The following SENP7 variants were observed in gnomAD, a reference collection of about 807,000 sequenced individuals.
SENP7 encodes the protein sentrin-specific protease 7.
In SENP7, 64 loss-of-function variants were observed where a neutral mutation model predicts 141.2. That is an observed-to-expected ratio of 0.45 (90% CI 0.37 to 0.56). SENP7 has a LOEUF of 0.56. Ranked by LOEUF, SENP7 falls within the 20% of genes least tolerant of loss-of-function variation. The probability of loss-of-function intolerance (pLI) is 0.00; values close to 1 mark genes in which losing one functional copy is unlikely to be tolerated. For missense variants in SENP7, 1,025 were observed against 1,212.2 expected (o/e 0.85, Z 2.29); for synonymous variants, 382 against 426.4 (o/e 0.90, Z 1.28).
At chr3:101,501,183 CA>C in intron 1 of SENP7, 64 bp from the exon 2 acceptor site, 6 of 1,068,346 alleles carry the variant, frequency 5.6e-6, no homozygotes, top group Non-Finnish European at 8.4e-6. Context: ...AACAGTTTGA[CA>C]AAGGAGATTC....
chr3:101,438,204 T>C (rs2062464516), intron 4 of SENP7, among the ~76,000 whole-genome samples: 3 of 152,080 alleles, frequency 2.0e-5, no homozygotes, highest in Non-Finnish European at 4.4e-5. Flanking sequence ...GATGAATAAA[T>C]ATAGAAACAA....
chr3:101,399,085 G>T (rs747579881), intron 5 of SENP7, 30 bp from the exon 6 acceptor site: 3 of 1,370,514 alleles, frequency 2.2e-6, no homozygotes, highest in Non-Finnish European at 2.9e-6. Flanking sequence ...ACACTGTACT[G>T]TACTGAAGTT....
intron 6 of SENP7, among the ~76,000 whole-genome samples, chr3:101,386,132 G>A (rs1402556951): frequency 6.6e-6 from 1 of 152,142 alleles, no homozygotes; most frequent in Non-Finnish European, 1.5e-5. Context: ...ACAGCTGTTA[G>A]ATAACCACCT....
At chr3:101,362,013 G>T (rs746646020) in intron 10 of SENP7, 152 bp from the exon 11 acceptor site, 1 of 864,148 alleles carries the variant, frequency 1.2e-6, no homozygotes, top group Non-Finnish European at 1.6e-6. Context: ...TAGCTATCTA[G>T]ATTTTTTTTC....
At chr3:101,372,940 A>G (rs2060221237) in intron 6 of SENP7, among the ~76,000 whole-genome samples, 1 of 152,018 alleles carries the variant, frequency 6.6e-6, no homozygotes, top group Non-Finnish European at 1.5e-5. Context: ...TACATATTTG[A>G]AGTATTTCAT....
intron 6 of SENP7, among the ~76,000 whole-genome samples, chr3:101,379,472 A>G (rs1216241653): frequency 6.6e-6 from 1 of 152,162 alleles, no homozygotes; most frequent in Non-Finnish European, 1.5e-5. Context: ...CAGAATATAT[A>G]AAGAAATCCT....
intron 11 of SENP7, among the ~76,000 whole-genome samples, chr3:101,355,113 T>TA (rs1326045567): frequency 3.9e-5 from 6 of 152,334 alleles, no homozygotes; most frequent in African/African-American, 1.4e-4. Flanking sequence ...TGCTAGATAT[T>TA]AGACCTTTGT....
chr3:101,444,681 G>T (rs984758260), intron 4 of SENP7, among the ~76,000 whole-genome samples: 1 of 144,092 alleles, frequency 6.9e-6, no homozygotes, highest in Non-Finnish European at 1.5e-5. Flanking sequence ...TCATAGGTGG[G>T]AATTGAACAA....
At chr3:101,510,208 C>A (rs754281602) in intron 1 of SENP7, among the ~76,000 whole-genome samples, 1 of 152,196 alleles carries the variant, frequency 6.6e-6, no homozygotes, top group Non-Finnish European at 1.5e-5. Context: ...TTCAGTGAAC[C>A]TGTCTCTGAT....
intron 3 of SENP7, among the ~76,000 whole-genome samples, chr3:101,471,753 T>A (rs1242789347): frequency 6.6e-6 from 1 of 152,150 alleles, no homozygotes; most frequent in East Asian, 1.9e-4. Context: ...AATCTACCCA[T>A]CTGACACAGG....
At chr3:101,415,108 A>C (rs1414584175) in intron 5 of SENP7, among the ~76,000 whole-genome samples, 1 of 88,064 alleles carries the variant, frequency 1.1e-5, no homozygotes, top group Non-Finnish European at 2.8e-5. Context: ...CTAACTTAGA[A>C]GGGAAAAAAA....
chr3:101,446,411 A>G (rs1214237588), intron 4 of SENP7, among the ~76,000 whole-genome samples: 1 of 152,252 alleles, frequency 6.6e-6, no homozygotes, highest in Non-Finnish European at 1.5e-5. Context: ...CTATAGACCT[A>G]ATAGACCTAA....
chr3:101,459,815 G>T (rs2063491594), intron 3 of SENP7, among the ~76,000 whole-genome samples: 1 of 152,058 alleles, frequency 6.6e-6, no homozygotes, highest in Non-Finnish European at 1.5e-5. Context: ...AAATGTTAAG[G>T]TTGCTCGACT....
At chr3:101,406,109 A>G (rs2061294049) in intron 5 of SENP7, among the ~76,000 whole-genome samples, 1 of 152,244 alleles carries the variant, frequency 6.6e-6, no homozygotes, top group African/African-American at 2.4e-5. Flanking sequence ...ATTATAAATC[A>G]TGCTACTATA....
chr3:101,471,673 G>T (rs77719452), intron 3 of SENP7, among the ~76,000 whole-genome samples: 60,386 of 151,960 alleles, frequency 0.4, 12,509 homozygotes, highest in Admixed American at 0.54. Flanking sequence ...AAACTAAAGA[G>T]CCTCTGCATG....
intron 6 of SENP7, among the ~76,000 whole-genome samples, chr3:101,387,703 C>G (rs2060698583): frequency 6.6e-6 from 1 of 152,196 alleles, no homozygotes; most frequent in African/African-American, 2.4e-5. Flanking sequence ...GTACTTCCTG[C>G]CAGCCACCGC....
At chr3:101,504,201 A>G (rs2065498535) in intron 1 of SENP7, among the ~76,000 whole-genome samples, 1 of 151,992 alleles carries the variant, frequency 6.6e-6, no homozygotes, top group Non-Finnish European at 1.5e-5. Flanking sequence ...CTGTAATCCC[A>G]GCACTAATGG....
In SENP7 at chr3:101,325,781, C is replaced by T. The variant is rs2058884750; in HGVS notation, c.*162G>A. ...TCCCATTCCATCTATGAGATCCCAA[C>T]AATTCTAATAATGTGTCCTACATAT... On this transcript the variant is annotated 3_prime_UTR_variant, in exon 24 of 24. Transcript: ENST00000394095. 2.0e-6 allele frequency: 1 copy of T among 496,030 alleles called. No homozygotes were observed. Among genetic ancestry groups the T allele is most frequent in the African/African-American group, 2.0e-5 (1 of 49,998 alleles). The allele number at this position is 496,030 out of a possible 1,614,324, so 30.7% of individuals were successfully genotyped here. A position where few individuals can be genotyped will look rare whatever the true frequency, so the allele number is the denominator to read the frequency against.
chr3:101,436,576 GA>G (rs1035444740), intron 4 of SENP7, among the ~76,000 whole-genome samples: 7 of 151,754 alleles, frequency 4.6e-5, no homozygotes, highest in African/African-American at 1.7e-4. Flanking sequence ...AACCCTACAG[GA>G]AACAATCTAA....
Sources: allele counts gnomAD v4.1 joint callset (sites outside exome capture counted in the v4.1 genomes callset), GRCh38; gene constraint gnomAD v4.1.1; transcripts MANE v1.5; gene names NCBI Gene and HGNC (gene_info 2026-07-23, HGNC 2026-07-21).